Variants in NRG3 observed in about 807,000 individuals in gnomAD.
The protein encoded by NRG3 is neuregulin 3.
Under a neutral mutation model 66.9 loss-of-function variants are expected in NRG3, and 31 were observed. That is an observed-to-expected ratio of 0.46 (90% CI 0.35 to 0.63). The LOEUF is 0.63. NRG3 is among the 20% of genes least tolerant of loss of function. The probability of loss-of-function intolerance (pLI) is 0.00; values close to 1 mark genes in which losing one functional copy is unlikely to be tolerated. For missense variants in NRG3, 910 were observed against 878.9 expected (o/e 1.04, Z -0.45); for synonymous variants, 393 against 359.4 (o/e 1.09, Z -1.06).
intron 1 of NRG3, among the ~76,000 whole-genome samples, chr10:82,293,870 T>G (rs2079886875): frequency 1.3e-5 from 2 of 152,106 alleles, no homozygotes; most frequent in African/African-American, 2.4e-5. Flanking sequence ...AGACTTCTAT[T>G]TCTGGAATTT....
intron 2 of NRG3, among the ~76,000 whole-genome samples, chr10:82,499,677 C>A (rs585360): frequency 0.67 from 102,460 of 151,954 alleles, 35,668 homozygotes; most frequent in South Asian, 0.79. Flanking sequence ...GTTATATAAG[C>A]TGAATATGTG....
intron 2 of NRG3, among the ~76,000 whole-genome samples, chr10:82,565,653 G>A (rs1421193535): frequency 1.3e-5 from 2 of 152,040 alleles, no homozygotes; most frequent in Non-Finnish European, 2.9e-5. Context: ...GTTGATTGGA[G>A]AATTTGTGAT....
At chr10:82,830,240 C>A (rs541834696) in intron 3 of NRG3, among the ~76,000 whole-genome samples, 1 of 152,290 alleles carries the variant, frequency 6.6e-6, no homozygotes, top group South Asian at 2.1e-4. Flanking sequence ...TCTTGCATTT[C>A]TTTGTTTACA....
intron 1 of NRG3, among the ~76,000 whole-genome samples, chr10:82,188,146 G>A (rs1300472790): frequency 6.6e-6 from 1 of 152,006 alleles, no homozygotes; most frequent in African/African-American, 2.4e-5. Flanking sequence ...AGAGAGCCCA[G>A]AAACAAATAC....
chr10:82,483,452 A>G (rs1337208109), intron 2 of NRG3, among the ~76,000 whole-genome samples: 1 of 152,172 alleles, frequency 6.6e-6, no homozygotes, highest in Non-Finnish European at 1.5e-5. Context: ...TGGCTTTCAA[A>G]TGGTAATTCT....
intron 1 of NRG3, among the ~76,000 whole-genome samples, chr10:82,272,964 A>C (rs1445900274): frequency 1.3e-5 from 2 of 152,030 alleles, no homozygotes; most frequent in Non-Finnish European, 2.9e-5. Context: ...GAGCCTCTGC[A>C]TGTATCATCT....
chr10:82,859,428 G>A (rs1012365188), intron 3 of NRG3, among the ~76,000 whole-genome samples: 7 of 152,162 alleles, frequency 4.6e-5, no homozygotes, highest in African/African-American at 1.7e-4. Context: ...TCCCAGGGCT[G>A]CATTGCAGTG....
At chr10:82,867,812 A>G (rs1327688312) in intron 4 of NRG3, among the ~76,000 whole-genome samples, 1 of 152,104 alleles carries the variant, frequency 6.6e-6, no homozygotes, top group Non-Finnish European at 1.5e-5. Context: ...AATTACTGAA[A>G]ATCATGGGCA....
chr10:82,647,320 C>A (rs1367526952), intron 2 of NRG3, among the ~76,000 whole-genome samples: 3 of 152,146 alleles, frequency 2.0e-5, no homozygotes, highest in Non-Finnish European at 1.5e-5. Context: ...CTTGTCCCTA[C>A]AAAGGACATG....
At chr10:82,361,984 A>G (rs1453781080) in intron 2 of NRG3, among the ~76,000 whole-genome samples, 1 of 151,168 alleles carries the variant, frequency 6.6e-6, no homozygotes, top group Non-Finnish European at 1.5e-5. Context: ...TGTTGTGAAA[A>G]TAGACCATGC....
chr10:82,608,041 T>G (rs2048076419), intron 2 of NRG3, among the ~76,000 whole-genome samples: 1 of 152,164 alleles, frequency 6.6e-6, no homozygotes, highest in Non-Finnish European at 1.5e-5. Context: ...TGCTCTTCCC[T>G]TCTTTTTATA....
chr10:82,181,331 A>C (rs1172828036), intron 1 of NRG3, among the ~76,000 whole-genome samples: 3 of 151,524 alleles, frequency 2.0e-5, no homozygotes. Context: ...AAGTTGTAGA[A>C]TTAGGTTGAT....
At chr10:82,298,935 G>A (rs2080233217) in intron 1 of NRG3, among the ~76,000 whole-genome samples, 1 of 152,192 alleles carries the variant, frequency 6.6e-6, no homozygotes, top group African/African-American at 2.4e-5. Flanking sequence ...GCTGAGGTCG[G>A]CTCCTCAAGG....
chr10:82,041,810 A>ATCTCTC (rs71007288), intron 1 of NRG3, among the ~76,000 whole-genome samples: 115 of 94,062 alleles, frequency 1.2e-3, no homozygotes, highest in African/African-American at 2.1e-3. Context: ...TGGTCTACTG[A>ATCTCTC]TCTCTCTCTC....
rs2065937093 is a variant in NRG3 at position 82,090,037 on chromosome 10, T to A, written c.823+213874T>A. Among the ~76,000 whole-genome samples the A allele has an allele frequency of 1.3e-5, 2 of 152,228 alleles. 1 individual carries two copies. Among genetic ancestry groups the A allele is most frequent in the South Asian group, 4.1e-4 (2 of 4,826 alleles). On this transcript the variant is annotated intron_variant, in intron 1 of 8. Transcript: ENST00000372141. ...TTTCCCTTCTGACTTTAAAGCTTTC[T>A]GACTCTGAATACATAATATATAAGT...
chr10:82,162,832 T>C (rs1259558452), intron 1 of NRG3, among the ~76,000 whole-genome samples: 1 of 152,188 alleles, frequency 6.6e-6, no homozygotes. Flanking sequence ...GACTCAGTTA[T>C]TTGAGTTAAT....
chr10:82,191,238 AT>A (rs1337556000), intron 1 of NRG3, among the ~76,000 whole-genome samples: 6 of 152,102 alleles, frequency 3.9e-5, no homozygotes, highest in Admixed American at 6.5e-5. Flanking sequence ...TGAATCCTTA[AT>A]TTTTTTAGTC....
At chr10:81,928,595 C>A (rs975376331) in intron 1 of NRG3, among the ~76,000 whole-genome samples, 1 of 152,086 alleles carries the variant, frequency 6.6e-6, no homozygotes, top group African/African-American at 2.4e-5. Context: ...ATAGGAATAA[C>A]ATGAAACTGC....
chr10:82,562,248 A>G (rs1316509525), intron 2 of NRG3, among the ~76,000 whole-genome samples: 1 of 152,174 alleles, frequency 6.6e-6, no homozygotes, highest in East Asian at 1.9e-4. Context: ...TATCTCTATT[A>G]TGTTACAGAT....
Sources: gnomAD v4.1 joint callset for allele counts (sites outside exome capture counted in the v4.1 genomes callset) on GRCh38, gnomAD v4.1.1 for gene constraint, MANE v1.5 for transcripts, NCBI Gene and HGNC (gene_info 2026-07-23, HGNC 2026-07-21) for gene names.